The following CMTM4 variants were observed in gnomAD, a reference collection of about 807,000 sequenced individuals.
CMTM4 encodes the protein CKLF like MARVEL transmembrane domain containing 4, also known as CKLF-like MARVEL transmembrane domain-containing protein 4.
A neutral mutation model predicts 19.0 loss-of-function variants in CMTM4; 8 were observed. That is an observed-to-expected ratio of 0.42 (90% CI 0.25 to 0.76). The LOEUF (loss-of-function observed/expected upper bound fraction) is 0.76. Ranked by LOEUF, CMTM4 falls within the 30% of genes least tolerant of loss-of-function variation. The pLI is 0.27. For missense variants in CMTM4, 228 were observed against 290.2 expected, an observed-to-expected ratio of 0.79 and a Z score of 1.56; for synonymous variants, 106 against 121.1, an observed-to-expected ratio of 0.88 and a Z score of 0.82.
intron 1 of CMTM4, among the ~76,000 whole-genome samples, chr16:66,658,038 T>C (rs568998092): frequency 6.6e-6 from 1 of 152,096 alleles, no homozygotes; most frequent in Non-Finnish European, 1.5e-5. Flanking sequence ...CTAGGCAACA[T>C]ACTAAGACTC....
intron 1 of CMTM4, among the ~76,000 whole-genome samples, chr16:66,637,382 T>G (rs1262892737): frequency 6.6e-6 from 1 of 151,932 alleles, no homozygotes; most frequent in East Asian, 1.9e-4. Context: ...CCCTCTCTAC[T>G]AAAAATACAA....
chr16:66,642,483 G>A (rs2016112664), intron 1 of CMTM4, among the ~76,000 whole-genome samples: 1 of 152,066 alleles, frequency 6.6e-6, no homozygotes, highest in African/African-American at 2.4e-5. Context: ...GGAGGCCAAG[G>A]GAGTTGGATC....
chr16:66,656,465 A>C (rs1357184137), intron 1 of CMTM4, among the ~76,000 whole-genome samples: 1 of 151,840 alleles, frequency 6.6e-6, no homozygotes, highest in African/African-American at 2.4e-5. Context: ...TCAGTCTCAA[A>C]ACATCTTCCC....
Position 66,696,343 on chromosome 16 carries a change from T to C in CMTM4, c.183A>G (p.Gln61=). 7.1e-7 allele frequency: 1 copy of C among 1,406,192 alleles called. No homozygotes were observed. The allele number at this position is 1,406,192 out of a possible 1,614,324, so 87.1% of individuals were successfully genotyped here. ...RGALGRLKVA[Q]VILALIAFIC... is the part of the protein sequence containing the mutation. Reference sequence around the variant, plus strand: ...TGGGGCCCCGCCCGGCACCTACCACTTGGGCGACCTTGAGGCGGCCGAGCG... The same window carrying C: ...TGGGGCCCCGCCCGGCACCTACCACCTGGGCGACCTTGAGGCGGCCGAGCG... Residue 61 remains glutamine (Q), a synonymous_variant, in exon 1 of 4, where the codon CAA becomes CAG. Transcript: ENST00000394106. This position sits in a 1 kb window ranked among gnomAD's most constrained non-coding sequence, Gnocchi z 4.3.
chr16:66,609,439 TC>T, the CMTM4 span: 2 of 1,612,656 alleles, frequency 1.2e-6, no homozygotes, highest in Middle Eastern at 1.7e-4. This position sits in a 1 kb window ranked among gnomAD's most constrained non-coding sequence, Gnocchi z 4.4. Flanking sequence ...CCCCAGGACT[TC>T]CTGCGCTGTG....
chr16:66,625,434 C>CA (rs565431475), intron 2 of CMTM4, among the ~76,000 whole-genome samples: 1,555 of 76,104 alleles, frequency 0.02, 16 homozygotes, highest in African/African-American at 0.046. Flanking sequence ...AACTCTGTCT[C>CA]AAAAAAAAAA....
At chr16:66,624,519 C>A (rs575232049) in intron 2 of CMTM4, among the ~76,000 whole-genome samples, 16 of 152,350 alleles carry the variant, frequency 1.1e-4, no homozygotes, top group African/African-American at 3.8e-4. Context: ...GTAATCCCAG[C>A]ACTTTGGGAG....
intron 1 of CMTM4, among the ~76,000 whole-genome samples, chr16:66,683,029 T>TA (rs1567431840): frequency 6.6e-6 from 1 of 150,584 alleles, no homozygotes; most frequent in Admixed American, 6.7e-5. Flanking sequence ...TACTTAAAGT[T>TA]AAAAAAAGAA....
chr16:66,610,164 C>A (rs2015323613), downstream of CMTM4: 3 of 876,646 alleles, frequency 3.4e-6, no homozygotes, highest in Non-Finnish European at 5.2e-6. This position sits in a 1 kb window ranked among gnomAD's most constrained non-coding sequence, Gnocchi z 4.6. Flanking sequence ...CAGCACTGAT[C>A]CAAAGCCAGT....
intron 1 of CMTM4, among the ~76,000 whole-genome samples, chr16:66,681,474 G>A (rs1000438207): frequency 4.6e-5 from 7 of 152,036 alleles, no homozygotes; most frequent in African/African-American, 9.6e-5. Context: ...CCGCCACCAC[G>A]CCCAGCTAAT....
intron 1 of CMTM4, among the ~76,000 whole-genome samples, chr16:66,679,305 A>C (rs1460357479): frequency 6.6e-6 from 1 of 152,078 alleles, no homozygotes; most frequent in African/African-American, 2.4e-5. Context: ...CCATGGGAAA[A>C]GATGGCTTCC....
In CMTM4 at chr16:66,673,773, G is replaced by C. The variant is rs557125389; in HGVS notation, c.186+22567C>G. Among the ~76,000 whole-genome samples, 17 of 152,332 alleles carry C rather than the reference G, an allele frequency of 1.1e-4. No individual in the cohort carries two copies. In the South Asian group the frequency reaches 3.5e-3, roughly 32 times the overall value. ...TTCTCTTCTTGGCAGTAACCAAACA[G>C]GGGATTGACATTTTATTGAGAACAC... is the stretch of plus-strand genomic sequence containing the variant. On this transcript the variant is annotated intron_variant, in intron 1 of 3. Transcript: ENST00000394106.
At chr16:66,607,837 T>G in the CMTM4 span, among the ~76,000 whole-genome samples, 2 of 148,910 alleles carry the variant, frequency 1.3e-5, no homozygotes, top group South Asian at 2.1e-4. Flanking sequence ...CATGCTGGGT[T>G]TTTTTTTTTT....
At position 66,659,943 on chromosome 16, in the gene CMTM4, G is replaced by T. The variant is rs181544072; in HGVS notation, c.187-23362C>A. Among the ~76,000 whole-genome samples, 543 of 152,008 alleles carry T rather than the reference G, an allele frequency of 3.6e-3. 1 individual carries two copies. The highest frequency in any genetic ancestry group is 6.8e-3 in the South Asian group (33 of 4,820). ...AAAAATGTTGAAGAACTTATATCCA[G>T]AACATACAAAAAACTCAAATCTCCA... is the stretch of plus-strand genomic sequence containing the variant. On this transcript the variant is annotated intron_variant, in intron 1 of 3. Transcript: ENST00000394106.
intron 1 of CMTM4, among the ~76,000 whole-genome samples, chr16:66,676,560 G>C (rs142552996): frequency 1.1e-4 from 16 of 152,292 alleles, no homozygotes; most frequent in African/African-American, 3.6e-4. Flanking sequence ...TAAAACAAGG[G>C]AGGCGCACAA....
chr16:66,661,862 G>A (rs1395742251), intron 1 of CMTM4, among the ~76,000 whole-genome samples: 1 of 152,158 alleles, frequency 6.6e-6, no homozygotes, highest in Non-Finnish European at 1.5e-5. Context: ...GAACTCGGGA[G>A]GCAGACACTG....
intron 1 of CMTM4, among the ~76,000 whole-genome samples, chr16:66,658,427 C>CT (rs1214989431): frequency 3.9e-5 from 6 of 152,148 alleles, no homozygotes; most frequent in Non-Finnish European, 4.4e-5. Context: ...AGTCATGCTC[C>CT]TAACTCCCAT....
the CMTM4 span, among the ~76,000 whole-genome samples, chr16:66,602,433 T>C: frequency 6.6e-6 from 1 of 152,116 alleles, no homozygotes; most frequent in Non-Finnish European, 1.5e-5. Context: ...CCACACGTGT[T>C]TGTGTCTTTC....
At chr16:66,648,994 G>A (rs548628433) in intron 1 of CMTM4, among the ~76,000 whole-genome samples, 7 of 152,120 alleles carry the variant, frequency 4.6e-5, no homozygotes, top group Middle Eastern at 3.4e-3. Context: ...AAAGGAAAAG[G>A]AAAAGAAAAG....
Sources: allele counts gnomAD v4.1 joint callset (sites outside exome capture counted in the v4.1 genomes callset), GRCh38; gene constraint gnomAD v4.1.1; non-coding constraint Gnocchi (gnomAD v3.1); transcripts MANE v1.5; gene names NCBI Gene and HGNC (gene_info 2026-07-23, HGNC 2026-07-21).